The following FMN1 variants were observed in gnomAD, a reference collection of about 807,000 sequenced individuals.
FMN1 encodes formin 1.
FMN1 carries 110 observed loss-of-function variants against 132.4 expected under a neutral mutation model. That is an observed-to-expected ratio of 0.83 (90% CI 0.71 to 0.97). The LOEUF (loss-of-function observed/expected upper bound fraction) is 0.97, where lower values mean the gene tolerates loss of function less well. Among genes scored for constraint, FMN1 ranks in the 50% least tolerant of loss-of-function variants. The pLI is 0.00. For synonymous variants in FMN1, 722 were observed against 651.7 expected (o/e 1.11, Z -1.64); for missense variants, 1,792 against 1,705.3 (o/e 1.05, Z -0.90).
At chr15:32,826,989 G>A (rs921184208) in intron 17 of FMN1, among the ~76,000 whole-genome samples, 1 of 152,244 alleles carries the variant, frequency 6.6e-6, no homozygotes, top group African/African-American at 2.4e-5. Context: ...AGGAGAATCA[G>A]AGGAGGGGAT....
intron 17 of FMN1, among the ~76,000 whole-genome samples, chr15:32,846,267 A>G (rs997077000): frequency 6.6e-6 from 1 of 152,208 alleles, no homozygotes; most frequent in Non-Finnish European, 1.5e-5. Context: ...TGCACAACAA[A>G]AGAAACTAGC....
intron 16 of FMN1, among the ~76,000 whole-genome samples, chr15:32,873,721 A>G (rs1456534079): frequency 2.6e-5 from 4 of 152,168 alleles, no homozygotes; most frequent in African/African-American, 9.7e-5. Context: ...ATCCACTGAG[A>G]GGCTAGGTGT....
intron 6 of FMN1, among the ~76,000 whole-genome samples, chr15:33,042,215 TAAG>T (rs1208214009): frequency 6.6e-6 from 1 of 152,134 alleles, no homozygotes; most frequent in Non-Finnish European, 1.5e-5. Context: ...GCAAAAGCTA[TAAG>T]AAGAAAATGG....
chr15:33,164,727 A>G (rs1965029741), intron 3 of FMN1, among the ~76,000 whole-genome samples: 1 of 152,230 alleles, frequency 6.6e-6, no homozygotes, highest in Admixed American at 6.5e-5. Flanking sequence ...TCTGGCTAAC[A>G]TCATCATCTA....
intron 10 of FMN1, among the ~76,000 whole-genome samples, chr15:32,913,295 C>T (rs940737876): frequency 6.6e-6 from 1 of 152,174 alleles, no homozygotes; most frequent in Non-Finnish European, 1.5e-5. Flanking sequence ...CAATATTTCT[C>T]ATCAATCCAT....
chr15:32,891,604 G>A (rs1351110110), intron 15 of FMN1, among the ~76,000 whole-genome samples: 1 of 151,904 alleles, frequency 6.6e-6, no homozygotes, highest in East Asian at 1.9e-4. Flanking sequence ...TGAATTTGTA[G>A]ATTGCTTTGG....
intron 17 of FMN1, among the ~76,000 whole-genome samples, chr15:32,844,895 C>T (rs942357322): frequency 6.6e-6 from 1 of 152,226 alleles, no homozygotes; most frequent in African/African-American, 2.4e-5. Context: ...GCTAACTGCT[C>T]CACATACATT....
intron 17 of FMN1, among the ~76,000 whole-genome samples, chr15:32,840,136 C>A (rs1400797818): frequency 6.6e-6 from 1 of 152,208 alleles, no homozygotes; most frequent in Non-Finnish European, 1.5e-5. Flanking sequence ...AAACTCAGCA[C>A]TCCCAGTCTA....
In FMN1 at chr15:32,772,792, G is replaced by C. The variant is rs559578632; in HGVS notation, c.*1518C>G. Reference sequence around the variant, plus strand: ...AGGATATGGTGCTGCTTTCATTACTGGATCTATTATAGAAGCATTCCTGAG... The same window carrying C: ...AGGATATGGTGCTGCTTTCATTACTCGATCTATTATAGAAGCATTCCTGAG... On this transcript the variant is annotated 3_prime_UTR_variant, in exon 21 of 21. Coordinates refer to ENST00000616417, the MANE Select transcript of FMN1 (RefSeq NM_001277313.2). 1.2e-3 allele frequency: 187 copies of C among 152,318 alleles called. 2 individuals are homozygous for C. The highest frequency in any genetic ancestry group is 4.3e-3 in the African/African-American group (178 of 41,554). 9.4% of individuals were successfully genotyped at this position (152,318 alleles called of 1,614,324 possible). A position where few individuals can be genotyped will look rare whatever the true frequency, so the allele number is the denominator to read the frequency against.
chr15:33,043,542 A>G (rs2036538928), intron 6 of FMN1, among the ~76,000 whole-genome samples: 2 of 152,204 alleles, frequency 1.3e-5, no homozygotes, highest in African/African-American at 4.8e-5. Flanking sequence ...TGATTCACGA[A>G]TTGTTCATTG....
intron 17 of FMN1, among the ~76,000 whole-genome samples, chr15:32,829,957 C>T (rs1383255843): frequency 1.3e-5 from 2 of 152,006 alleles, no homozygotes; most frequent in Admixed American, 6.5e-5. Flanking sequence ...AAATTTTGTC[C>T]TTATGTAGAG....
chr15:33,019,120 A>ATTTTACAGAGAGCTGATTGGTCTG (rs1052570040), intron 6 of FMN1, among the ~76,000 whole-genome samples: 1 of 152,084 alleles, frequency 6.6e-6, no homozygotes, highest in African/African-American at 2.4e-5. Context: ...TCATTGGTCC[A>ATTTTACAGAGAGCTGATTGGTCTG]TTTTACAGAG....
chr15:32,800,446 T>A (rs144261378), intron 18 of FMN1, among the ~76,000 whole-genome samples: 2 of 152,346 alleles, frequency 1.3e-5, no homozygotes, highest in African/African-American at 4.8e-5. Flanking sequence ...AACCCTTATT[T>A]CCATGGCAGT....
intron 4 of FMN1, among the ~76,000 whole-genome samples, chr15:33,134,868 G>A (rs1292442916): frequency 6.6e-6 from 1 of 152,164 alleles, no homozygotes; most frequent in Non-Finnish European, 1.5e-5. Flanking sequence ...CAGGCGTGGT[G>A]GCTTATGCCT....
intron 17 of FMN1, among the ~76,000 whole-genome samples, chr15:32,821,654 C>G (rs1197162124): frequency 6.6e-6 from 1 of 151,708 alleles, no homozygotes; most frequent in African/African-American, 2.4e-5. Flanking sequence ...GTTTCACCAT[C>G]TTGGCCAGGC....
chr15:32,801,315 TA>T (rs150268551), intron 18 of FMN1, among the ~76,000 whole-genome samples: 10,895 of 151,958 alleles, frequency 0.072, 956 homozygotes, highest in East Asian at 0.46. Flanking sequence ...GGAGAAACAC[TA>T]AAAAAAATAC....
At chr15:32,879,237 T>A (rs1000528737) in intron 16 of FMN1, among the ~76,000 whole-genome samples, 1 of 151,184 alleles carries the variant, frequency 6.6e-6, no homozygotes, top group East Asian at 1.9e-4. Context: ...CATATCAAAG[T>A]TTTTTTTATT....
Position 33,069,993 on chromosome 15 carries a change from C to CTCTTTTTTTT in FMN1, c.2044-4920_2044-4919insAAAAAAAAGA, listed in dbSNP as rs398026774. On this transcript the variant is annotated intron_variant, in intron 5 of 20. Coordinates refer to ENST00000616417, the MANE Select transcript of FMN1 (RefSeq NM_001277313.2). The stretch of plus-strand genomic sequence containing the variant: ...AACAGATCATAAGATCAGTCTTTCT[C>CTCTTTTTTTT]TTTTTTTTTTTTTTTTTTTTTTTTT... 1.6e-3 allele frequency among the ~76,000 whole-genome samples: 116 copies of CTCTTTTTTTT among 74,332 alleles called. 14 individuals carry two copies. Among genetic ancestry groups the CTCTTTTTTTT allele is most frequent in the Middle Eastern group, 0.012 (1 of 86 alleles). The allele number at this position is 74,332 out of a possible 152,430, so 48.8% of individuals were successfully genotyped here.
At chr15:32,973,464 A>C (rs1407664042) in intron 7 of FMN1, among the ~76,000 whole-genome samples, 2 of 152,192 alleles carry the variant, frequency 1.3e-5, no homozygotes, top group Non-Finnish European at 1.5e-5. Context: ...ATGGAGAATG[A>C]CCAAATAAGA....
Sources: gnomAD v4.1 joint callset for allele counts (sites outside exome capture counted in the v4.1 genomes callset) on GRCh38, gnomAD v4.1.1 for gene constraint, MANE v1.5 for transcripts, NCBI Gene and HGNC (gene_info 2026-07-23, HGNC 2026-07-21) for gene names.